The following GYG2 variants were observed in gnomAD, a reference collection of about 807,000 sequenced individuals.
GYG2 encodes glycogenin 2, also known as glycogenin-2.
Under a neutral mutation model 29.4 loss-of-function variants are expected in GYG2, and 29 were observed. That is an observed-to-expected ratio of 0.99 (90% CI 0.74 to 1.35). GYG2 has a LOEUF of 1.35. GYG2 is among the 40% of genes most tolerant of loss of function. The probability of loss-of-function intolerance (pLI) is 0.00; values close to 1 mark genes in which losing one functional copy is unlikely to be tolerated. For synonymous variants in GYG2, 167 were observed against 172.3 expected (o/e 0.97, Z 0.24); for missense variants, 370 against 385.7 (o/e 0.96, Z 0.34).
rs772438346 is a variant in GYG2, at chrX:2,845,982, T to A, written c.149+2628T>A. On this transcript the variant is annotated intron_variant, in intron 3 of 10. Transcript: ENST00000398806. ...CTTCACTGATTTAAATTTAAAAAAATATATACATATATGTATATATATACA... is the reference window on the plus strand; with the variant it reads ...CTTCACTGATTTAAATTTAAAAAAAAATATACATATATGTATATATATACA... Among the ~76,000 whole-genome samples the A allele has an allele frequency of 6.9e-3, 570 of 82,763 alleles. 9 individuals carry two copies. Among genetic ancestry groups the A allele is most frequent in the African/African-American group, 0.023 (505 of 21,994 alleles). 71.9% of individuals were successfully genotyped at this position (82,763 alleles called of 115,157 possible). A position where few individuals can be genotyped will look rare whatever the true frequency, so the allele number is the denominator to read the frequency against.
chrX:2,867,638 G>A (rs1451917201), intron 8 of GYG2, among the ~76,000 whole-genome samples: 1 of 111,589 alleles, frequency 9.0e-6, no homozygotes, highest in African/African-American at 3.3e-5. Flanking sequence ...TGCGAGACAT[G>A]CTTAAATATT....
chrX:2,835,332 A>C (rs1216402333), intron 2 of GYG2, among the ~76,000 whole-genome samples: 1 of 111,268 alleles, frequency 9.0e-6, no homozygotes, highest in African/African-American at 3.3e-5. Flanking sequence ...CTGAATTCCA[A>C]AATGGAGGAG....
At chrX:2,854,290 C>G in intron 4 of GYG2, 136 bp downstream of exon 4, 4 of 446,965 alleles carry the variant, frequency 8.9e-6, no homozygotes, top group Non-Finnish European at 1.5e-5. Flanking sequence ...GGCACGATCT[C>G]GGCTCACTGC....
Position 2,845,029 on chromosome X carries a change from T to TACACATGTGTATGTA in GYG2, c.149+1675_149+1676insACACATGTGTATGTA, listed in dbSNP as rs1569057222. ...TTTATATACACATGTGTATGTATAT[T>TACACATGTGTATGTA]TATATACACATGTGTATGTATATAT... is the stretch of plus-strand genomic sequence containing the variant. On this transcript the variant is annotated intron_variant, in intron 3 of 10. Transcript: ENST00000398806. Among the ~76,000 whole-genome samples, 67 of 88,010 alleles carry TACACATGTGTATGTA rather than the reference T, an allele frequency of 7.6e-4. 3 individuals are homozygous for TACACATGTGTATGTA. Among genetic ancestry groups the TACACATGTGTATGTA allele is most frequent in the South Asian group, 3.4e-3 (6 of 1,750 alleles). 76.4% of individuals were successfully genotyped at this position (88,010 alleles called of 115,157 possible).
At chrX:2,829,506 C>A (rs1347688461) in intron 1 of GYG2, among the ~76,000 whole-genome samples, 2 of 29,877 alleles carry the variant, frequency 6.7e-5, no homozygotes, top group South Asian at 2.8e-3. Context: ...GGCGGCAGGC[C>A]GGGTCGGGGA....
chrX:2,839,387 A>G (rs778907242), intron 2 of GYG2, among the ~76,000 whole-genome samples: 1 of 111,100 alleles, frequency 9.0e-6, no homozygotes, highest in Non-Finnish European at 1.9e-5. Context: ...GAAAGAAGGA[A>G]AGAGAAACTA....
intron 2 of GYG2, among the ~76,000 whole-genome samples, chrX:2,834,847 C>A (rs2087340705): frequency 8.9e-6 from 1 of 112,047 alleles, no homozygotes; most frequent in Admixed American, 9.5e-5. Context: ...CATGTCCCCC[C>A]AGAAGCTGTG....
intron 2 of GYG2, among the ~76,000 whole-genome samples, chrX:2,839,162 T>C (rs1380890394): frequency 8.9e-6 from 1 of 112,330 alleles, no homozygotes; most frequent in Non-Finnish European, 1.9e-5. Context: ...TGGTAATTAT[T>C]TTTTTCTTGG....
chrX:2,844,920 GTATGTATA>G (rs2087630001), intron 3 of GYG2, among the ~76,000 whole-genome samples: 1 of 104,621 alleles, frequency 9.6e-6, no homozygotes. Context: ...ATGTATACCT[GTATGTATA>G]TATGTTCAAC....
At chrX:2,862,536 A>C (rs1049656745) in intron 8 of GYG2, among the ~76,000 whole-genome samples, 12 of 111,418 alleles carry the variant, frequency 1.1e-4, no homozygotes. Context: ...GTTTCAGCCG[A>C]ACCCCTGACT....
chrX:2,830,310 GT>G (rs2087236250), intron 2 of GYG2, 115 bp downstream of exon 2: 1 of 677,742 alleles, frequency 1.5e-6, no homozygotes, highest in African/African-American at 2.1e-5. Flanking sequence ...CAAACCCCGA[GT>G]CTCCCCCTTA....
rs1555897649 is a variant in GYG2 at position 2,847,747 on chromosome X, T to TAAATAAAA, written c.149+4396_149+4397insTAAAAAAA. 4.3e-3 allele frequency among the ~76,000 whole-genome samples: 444 copies of TAAATAAAA among 104,431 alleles called. 3 individuals are homozygous for TAAATAAAA. Among genetic ancestry groups the TAAATAAAA allele is most frequent in the East Asian group, 6.3e-3 (21 of 3,329 alleles). The allele number at this position is 104,431 out of a possible 115,157, so 90.7% of individuals were successfully genotyped here. ...ATAAATAAATAAATAAATAAATAAA[T>TAAATAAAA]AAAAATCCACATAGATTATAAATAT... On this transcript the variant is annotated intron_variant, in intron 3 of 10. Coordinates refer to ENST00000398806, the MANE Select transcript of GYG2 (RefSeq NM_001079855.2).
chrX:2,860,175 G>C (rs2088125332), intron 7 of GYG2, 110 bp downstream of exon 7: 1 of 462,085 alleles, frequency 2.2e-6, no homozygotes, highest in Non-Finnish European at 3.6e-6. Flanking sequence ...TCTAAATACT[G>C]TATTTCATGG....
chrX:2,848,356 T>TAGTGG (rs1321610298), intron 3 of GYG2, among the ~76,000 whole-genome samples: 1 of 110,623 alleles, frequency 9.0e-6, no homozygotes, highest in Non-Finnish European at 1.9e-5. Context: ...CTGACCAACA[T>TAGTGG]GGTGAAACCC....
chrX:2,829,971 G>T (rs2087225358), intron 1 of GYG2, 90 bp from the exon 2 acceptor site: 2 of 420,865 alleles, frequency 4.8e-6, no homozygotes, highest in South Asian at 3.6e-5. Context: ...CCCGTGGGGC[G>T]CAGGTGACAT....
intron 2 of GYG2, among the ~76,000 whole-genome samples, chrX:2,840,636 A>T (rs747164428): frequency 2.5e-4 from 28 of 111,922 alleles, no homozygotes; most frequent in African/African-American, 8.8e-4. Context: ...AGATTGATAG[A>T]TATAAATAAG....
chrX:2,866,451 C>T (rs759595954), intron 8 of GYG2, among the ~76,000 whole-genome samples: 2 of 111,758 alleles, frequency 1.8e-5, no homozygotes, highest in South Asian at 7.5e-4. Flanking sequence ...GCCGAGATCA[C>T]GCTGCTGCAC....
rs139733219 is a variant in GYG2 at position 2,876,176 on chromosome X, G to C, written c.1143+262G>C. On this transcript the variant is annotated intron_variant, in intron 9 of 10. Transcript: ENST00000398806. Reference sequence around the variant, plus strand: ...AACTTATTGTGGGGTTTTCTTTTTCGTCATTTTGTTATTCTCTTCCACTTT... The same window carrying C: ...AACTTATTGTGGGGTTTTCTTTTTCCTCATTTTGTTATTCTCTTCCACTTT... Among the ~76,000 whole-genome samples the C allele has an allele frequency of 0.029, 3,048 of 105,248 alleles. 45 individuals are homozygous for C. The highest frequency in any genetic ancestry group is 0.077 in the Middle Eastern group (15 of 196). The allele number at this position is 105,248 out of a possible 115,157, so 91.4% of individuals were successfully genotyped here.
At chrX:2,875,728 A>G (rs2088577945) in intron 8 of GYG2, 82 bp from the exon 9 acceptor site, 6 of 624,946 alleles carry the variant, frequency 9.6e-6, no homozygotes. Context: ...GCAGAAAAAA[A>G]TGGAGTGGGT....
Sources: allele counts gnomAD v4.1 joint callset (sites outside exome capture counted in the v4.1 genomes callset), GRCh38; gene constraint gnomAD v4.1.1; transcripts MANE v1.5; gene names NCBI Gene and HGNC (gene_info 2026-07-23, HGNC 2026-07-21).